MLYCD: variants seen among roughly 807,000 people sequenced by gnomAD.
MLYCD encodes malonyl-CoA decarboxylase, also known as malonyl-CoA decarboxylase, mitochondrial.
In MLYCD, 27 loss-of-function variants were observed where a neutral mutation model predicts 35.8. The ratio of observed to expected loss-of-function variants is 0.75; its 90% CI spans 0.56 to 1.04. The LOEUF is 1.04. Among genes scored for constraint, MLYCD ranks in the 50% least tolerant of loss-of-function variants. MLYCD has a pLI of 0.00. For missense variants in MLYCD, 917 were observed against 665.1 expected (o/e 1.38, Z -4.17); for synonymous variants, 403 against 302.4 (o/e 1.33, Z -3.45).
At chr16:83,904,654 G>C (rs80003477) in intron 1 of MLYCD, among the ~76,000 whole-genome samples, 1,867 of 152,328 alleles carry the variant, frequency 0.012, 35 homozygotes, top group African/African-American at 0.043. Flanking sequence ...AAGTAAAGGA[G>C]ATTGAGTCAT....
intron 4 of MLYCD, 186 bp from the exon 5 acceptor site, chr16:83,914,770 C>T: frequency 1.2e-6 from 1 of 816,936 alleles, no homozygotes; most frequent in Non-Finnish European, 1.9e-6. Flanking sequence ...TAGAGCAAGA[C>T]CCTGACTCTA....
chr16:83,909,380 G>T (rs986430025), intron 3 of MLYCD, among the ~76,000 whole-genome samples: 1 of 152,074 alleles, frequency 6.6e-6, no homozygotes, highest in Non-Finnish European at 1.5e-5. Context: ...CACATGGCGC[G>T]GCCTCGTGTA....
chr16:83,903,493 C>T (rs1906870563), intron 1 of MLYCD, among the ~76,000 whole-genome samples: 2 of 152,196 alleles, frequency 1.3e-5, no homozygotes, highest in African/African-American at 4.8e-5. Flanking sequence ...CTCCCTTCCC[C>T]AGAGCAGGGC....
In MLYCD at chr16:83,914,698, G is replaced by C. The variant is rs1462577871; in HGVS notation, c.949-258G>C. ...GCAGGCTGAGGCAGGAGGATGGCTTGGACCCAGGAGATGGAGGCTGCAGTG... is the reference window on the plus strand; with the variant it reads ...GCAGGCTGAGGCAGGAGGATGGCTTCGACCCAGGAGATGGAGGCTGCAGTG... On this transcript the variant is annotated intron_variant, in intron 4 of 4. Coordinates refer to ENST00000262430, the MANE Select transcript of MLYCD (RefSeq NM_012213.3). 1.6e-5 allele frequency: 8 copies of C among 498,224 alleles called. No homozygotes were observed. In the Admixed American group the frequency reaches 2.6e-4, roughly 16 times the overall value. The allele number at this position is 498,224 out of a possible 1,614,324, so 30.9% of individuals were successfully genotyped here.
chr16:83,904,731 GT>G (rs1906915327), intron 1 of MLYCD, among the ~76,000 whole-genome samples: 2 of 152,226 alleles, frequency 1.3e-5, no homozygotes, highest in African/African-American at 4.8e-5. Context: ...GCTTAAATCC[GT>G]TTTCAAACAG....
rs886052359 is a variant in MLYCD at position 83,915,005 on chromosome 16, G to T, written c.998G>T (p.Gly333Val). The change falls in exon 5 of 5, where the codon GGT becomes GTT. Residue 333 changes from glycine (G) to valine (V), a missense_variant. Gly to Val is a moderately radical substitution (Grantham distance 109). Transcript: ENST00000262430. ...TTTTCAAGTCTGTCACCTATACCTG[G>T]TTTCACCAAATGGCTTCTGGGGCTT... ...GVFSSLSPIP[G>V]FTKWLLGLLN... 1.2e-6 allele frequency: 2 copies of T among 1,614,180 alleles called. No homozygotes were observed. The highest frequency in any genetic ancestry group is 2.2e-5 in the East Asian group (1 of 44,888).
Position 83,915,167 on chromosome 16 carries a change from C to T in MLYCD, c.1160C>T (p.Ser387Leu), listed in dbSNP as rs376324546. The change falls in exon 5 of 5, where the codon TCG becomes TTG. Residue 387 changes from serine to leucine, a missense_variant. Coordinates refer to ENST00000262430, the MANE Select transcript of MLYCD (RefSeq NM_012213.3). ...LLLSSSEWVQSEKLVRALQTP... is the reference protein window; with the variant it reads ...LLLSSSEWVQLEKLVRALQTP... ...CTCAGCAGCAGCGAGTGGGTGCAGT[C>T]GGAGAAGCTGGTGCGGGCGCTGCAG... 1.4e-5 allele frequency: 22 copies of T among 1,614,046 alleles called. No homozygotes were observed. The highest frequency in any genetic ancestry group is 1.6e-4 in the Middle Eastern group (1 of 6,080).
Position 83,915,846 on chromosome 16 carries a change from G to T in MLYCD, c.*357G>T. 8.2e-7 allele frequency: 1 copy of T among 1,212,620 alleles called. No homozygotes were observed. The highest frequency in any genetic ancestry group is 1.0e-6 in the Non-Finnish European group (1 of 961,234). 75.1% of individuals were successfully genotyped at this position (1,212,620 alleles called of 1,614,324 possible). A position where few individuals can be genotyped will look rare whatever the true frequency, so the allele number is the denominator to read the frequency against. ...TGCCATTGCCATCCCAGGGGGATCT[G>T]GCATCCTCCTAAGGACCGGGGCGCG... On this transcript the variant is annotated 3_prime_UTR_variant, in exon 5 of 5. Transcript: ENST00000262430.
At position 83,915,999 on chromosome 16, in the gene MLYCD, G is replaced by T. The variant is rs1027597818; in HGVS notation, c.*510G>T. On this transcript the variant is annotated 3_prime_UTR_variant, in exon 5 of 5. Transcript: ENST00000262430. ...GTGCTACACTTCCCAGTTACATTCT[G>T]AAGCTCATAAATGTATGAGAAGGTT... The T allele has an allele frequency of 2.0e-6, 2 of 1,009,870 alleles. No homozygotes were observed. Among genetic ancestry groups the T allele is most frequent in the African/African-American group, 3.4e-5 (2 of 58,336 alleles). The allele number at this position is 1,009,870 out of a possible 1,614,324, so 62.6% of individuals were successfully genotyped here.
rs1907396344 is a variant in MLYCD, at chr16:83,916,512, G to A, written c.*1023G>A. 1 of 150,990 alleles carries A rather than the reference G, an allele frequency of 6.6e-6. No individual in the cohort carries two copies. Among genetic ancestry groups the A allele is most frequent in the South Asian group, 2.1e-4 (1 of 4,770 alleles). 9.4% of individuals were successfully genotyped at this position (150,990 alleles called of 1,614,324 possible). A position where few individuals can be genotyped will look rare whatever the true frequency, so the allele number is the denominator to read the frequency against. On this transcript the variant is annotated 3_prime_UTR_variant, in exon 5 of 5. Transcript: ENST00000262430. ...TCTGTGTGTATCAGTGCATGTCTGT[G>A]TACGTGTGCACGAGCATCTCTGGAT...
In MLYCD at chr16:83,925,365, TC is replaced by T; in HGVS notation, c.*9880del. 1 of 152,470 alleles carries T rather than the reference TC, an allele frequency of 6.6e-6. No individual in the cohort carries two copies. Among genetic ancestry groups the T allele is most frequent in the Non-Finnish European group, 1.5e-5 (1 of 68,270 alleles). 9.4% of individuals were successfully genotyped at this position (152,470 alleles called of 1,614,324 possible). ...TCCCCTCACCCCCACCTCCCACCCG[TC>T]CCCGGGCCCCTGGACAGACCACTGG... On this transcript the variant is annotated 3_prime_UTR_variant, in exon 5 of 5. Coordinates refer to ENST00000262430, the MANE Select transcript of MLYCD (RefSeq NM_012213.3).
intron 1 of MLYCD, 96 bp downstream of exon 1, chr16:83,899,768 C>T: frequency 7.4e-7 from 1 of 1,359,198 alleles, no homozygotes; most frequent in Non-Finnish European, 9.7e-7. Context: ...ACCCCGCCTT[C>T]CCTGCCCGAT....
At position 83,916,592 on chromosome 16, in the gene MLYCD, CTGTG is replaced by C. The variant is rs574313625; in HGVS notation, c.*1106_*1109del. On this transcript the variant is annotated 3_prime_UTR_variant, in exon 5 of 5. Coordinates refer to ENST00000262430, the MANE Select transcript of MLYCD (RefSeq NM_012213.3). ...CGTCTCTGTGTGGATCAGTGCACGT[CTGTG>C]TGCGTGTGCACGAGCGTCTCTGTGT... The C allele has an allele frequency of 3.6e-5, 5 of 137,552 alleles. No individual in the cohort carries two copies. In the South Asian group the frequency reaches 7.0e-4, roughly 19 times the overall value. The allele number at this position is 137,552 out of a possible 1,614,324, so 8.5% of individuals were successfully genotyped here.
intron 3 of MLYCD, among the ~76,000 whole-genome samples, chr16:83,909,994 A>G (rs1907117213): frequency 6.6e-6 from 1 of 151,944 alleles, no homozygotes; most frequent in South Asian, 2.1e-4. Context: ...CTTACCCATG[A>G]TCATCGAGCA....
intron 4 of MLYCD, chr16:83,913,215 C>T (rs1011490737): frequency 6.6e-6 from 1 of 152,260 alleles, no homozygotes; most frequent in African/African-American, 2.4e-5. Flanking sequence ...CCTCAGGATT[C>T]AGCTGGGCGT....
chr16:83,925,258 AC>A lies in MLYCD; in HGVS notation c.*9771del, dbSNP rs1907771202. Reference sequence around the variant, plus strand: ...TGAATGCAGATGCCCTCCCTCCAAAACCTGGCCTCCTCCAGCTGTTCCTTCC... The same window carrying A: ...TGAATGCAGATGCCCTCCCTCCAAAACTGGCCTCCTCCAGCTGTTCCTTCC... On this transcript the variant is annotated 3_prime_UTR_variant, in exon 5 of 5. Transcript: ENST00000262430. The A allele has an allele frequency of 6.6e-6, 1 of 152,338 alleles. No individual in the cohort carries two copies. The allele number at this position is 152,338 out of a possible 1,614,324, so 9.4% of individuals were successfully genotyped here. A position where few individuals can be genotyped will look rare whatever the true frequency, so the allele number is the denominator to read the frequency against.
At chr16:83,906,793 G>A (rs1346117379) in intron 1 of MLYCD, among the ~76,000 whole-genome samples, 194 bp from the exon 2 acceptor site, 2 of 134,048 alleles carry the variant, frequency 1.5e-5, no homozygotes, top group Admixed American at 7.0e-5. Context: ...AGCGTTGAAC[G>A]AAAGAAAGCC....
rs767290333 is a variant in MLYCD at position 83,907,090 on chromosome 16, A to C, written c.632A>C (p.Lys211Thr). ...TWHSPCEVLQ[K>T]ISEAEAVHPV... is the part of the protein sequence containing the mutation. ...CATTCACCGTGTGAAGTGCTTCAGA[A>C]AATCAGTGAGTAAGTATTACGGTTT... The change falls in exon 2 of 5, where the codon AAA (lysine) becomes ACA (threonine). Residue 211 changes from lysine to threonine, a missense_variant. By Grantham distance (78) the Lys-to-Thr change is moderately conservative (BLOSUM62 -1). Coordinates refer to ENST00000262430, the MANE Select transcript of MLYCD (RefSeq NM_012213.3). 1 of 1,612,646 alleles carries C rather than the reference A, an allele frequency of 6.2e-7. No individual in the cohort carries two copies. Among genetic ancestry groups the C allele is most frequent in the South Asian group, 1.1e-5 (1 of 91,058 alleles).
At position 83,915,310 on chromosome 16, in the gene MLYCD, T is replaced by C. The variant is rs377001616; in HGVS notation, c.1303T>C (p.Trp435Arg). 1.2e-6 allele frequency: 2 copies of C among 1,613,678 alleles called. No homozygotes were observed. Among genetic ancestry groups the C allele is most frequent in the Admixed American group, 1.7e-5 (1 of 60,000 alleles). Residue 435 changes from tryptophan to arginine, a missense_variant, in exon 5 of 5, where the codon TGG (tryptophan) becomes CGG (arginine). Coordinates refer to ENST00000262430, the MANE Select transcript of MLYCD (RefSeq NM_012213.3). The stretch of plus-strand genomic sequence containing the variant: ...CGGGGCGGTGCTGTGGCGCATCAAC[T>C]GGATGGCGGATGTGAGCCTCAGAGG... ...QNGAVLWRIN[W>R]MADVSLRGIT... is the part of the protein sequence containing the mutation.
Sources: gnomAD v4.1 joint callset for allele counts (sites outside exome capture counted in the v4.1 genomes callset) on GRCh38, gnomAD v4.1.1 for gene constraint, MANE v1.5 for transcripts, NCBI Gene and HGNC (gene_info 2026-07-23, HGNC 2026-07-21) for gene names.